Variants in EBF1 observed in about 807,000 individuals in gnomAD.
EBF1 encodes the protein EBF transcription factor 1, also known as transcription factor COE1.
EBF1 carries 10 observed loss-of-function variants against 68.4 expected under a neutral mutation model. That is an observed-to-expected ratio of 0.15 (90% CI 0.09 to 0.25). The LOEUF is 0.25. Ranked by LOEUF, EBF1 falls within the 10% of genes least tolerant of loss-of-function variation. The pLI is 1.00. For synonymous variants in EBF1, 298 were observed against 299.8 expected (o/e 0.99, Z 0.06); for missense variants, 509 against 794.4 (o/e 0.64, Z 4.32).
chr5:158,921,623 A>T (rs1027314135), intron 6 of EBF1, among the ~76,000 whole-genome samples: 11 of 152,230 alleles, frequency 7.2e-5, no homozygotes, highest in Non-Finnish European at 1.3e-4. Context: ...GGGCTGTGTT[A>T]GCGTGCATTA....
At chr5:158,912,258 C>T (rs1033994912) in intron 6 of EBF1, among the ~76,000 whole-genome samples, 3 of 152,182 alleles carry the variant, frequency 2.0e-5, no homozygotes, top group East Asian at 1.9e-4. Context: ...GTTTCACCTA[C>T]GGATCCCAGG....
At chr5:159,065,977 A>C (rs1776731878) in intron 6 of EBF1, among the ~76,000 whole-genome samples, 1 of 152,162 alleles carries the variant, frequency 6.6e-6, no homozygotes, top group Admixed American at 6.5e-5. Context: ...GACAGAGCCC[A>C]AGTGTCTATG....
chr5:158,966,625 A>G (rs1399703343), intron 6 of EBF1, among the ~76,000 whole-genome samples: 2 of 152,176 alleles, frequency 1.3e-5, no homozygotes, highest in African/African-American at 4.8e-5. Flanking sequence ...AACTCAAACC[A>G]AACACATATT....
rs1349538513 is a variant in EBF1, at chr5:158,696,848, C to A, written c.*2263G>T. ...TTTCTTGCTCTACTAGAAAAAGTTA[C>A]ATTGTCTTAAGGTAACAAAACAGTT... On this transcript the variant is annotated 3_prime_UTR_variant, in exon 16 of 16. Coordinates refer to ENST00000313708, the MANE Select transcript of EBF1 (RefSeq NM_024007.5). The A allele has an allele frequency of 1.0e-5, 2 of 194,552 alleles. No individual in the cohort carries two copies. The highest frequency in any genetic ancestry group is 1.6e-3 in the Middle Eastern group (1 of 612). 12.1% of individuals were successfully genotyped at this position (194,552 alleles called of 1,614,324 possible). A position where few individuals can be genotyped will look rare whatever the true frequency, so the allele number is the denominator to read the frequency against.
At chr5:158,746,766 C>T (rs1441538153) in intron 10 of EBF1, among the ~76,000 whole-genome samples, 1 of 152,150 alleles carries the variant, frequency 6.6e-6, no homozygotes, top group African/African-American at 2.4e-5. Flanking sequence ...ATTCACTTTG[C>T]CTGAGACCAA....
intron 6 of EBF1, among the ~76,000 whole-genome samples, chr5:158,964,889 A>C (rs2127543546): frequency 6.6e-6 from 1 of 152,366 alleles, no homozygotes; most frequent in South Asian, 2.1e-4. Flanking sequence ...AGTAGTGGAA[A>C]TGCAACAAAT....
intron 8 of EBF1, among the ~76,000 whole-genome samples, chr5:158,802,624 G>T (rs968143946): frequency 3.9e-5 from 6 of 152,136 alleles, no homozygotes; most frequent in Non-Finnish European, 5.9e-5. Context: ...ATTATGTTAA[G>T]TTGATTTTAA....
chr5:158,818,827 G>T (rs79765498), intron 8 of EBF1, among the ~76,000 whole-genome samples: 3,557 of 151,770 alleles, frequency 0.023, 152 homozygotes, highest in African/African-American at 0.082. Context: ...CCCCAGGTCA[G>T]AGCTCATGAA....
chr5:158,785,590 G>T (rs1317730673), intron 9 of EBF1, among the ~76,000 whole-genome samples: 1 of 152,280 alleles, frequency 6.6e-6, no homozygotes, highest in East Asian at 1.9e-4. Context: ...AAAAGCCAGA[G>T]GAGGCATTTA....
At chr5:158,841,926 C>T (rs1307534583) in intron 6 of EBF1, among the ~76,000 whole-genome samples, 4 of 152,214 alleles carry the variant, frequency 2.6e-5, no homozygotes, top group African/African-American at 7.2e-5. Flanking sequence ...TCAATGAAAG[C>T]AGGCCTCTAA....
intron 10 of EBF1, among the ~76,000 whole-genome samples, chr5:158,773,138 G>A (rs1032717797): frequency 2.6e-5 from 4 of 152,028 alleles, no homozygotes; most frequent in Non-Finnish European, 5.9e-5. Flanking sequence ...AAGGGAGATA[G>A]GAGAGATGGG....
intron 6 of EBF1, among the ~76,000 whole-genome samples, chr5:158,854,317 T>C: frequency 6.6e-6 from 1 of 152,192 alleles, no homozygotes; most frequent in East Asian, 1.9e-4. Flanking sequence ...AAAACAAACA[T>C]AGTTCTTGCT....
At chr5:158,832,615 G>A (rs892593701) in intron 7 of EBF1, among the ~76,000 whole-genome samples, 4 of 152,148 alleles carry the variant, frequency 2.6e-5, no homozygotes, top group Admixed American at 6.5e-5. Context: ...GCTGGGAGTC[G>A]GTGGAGGAGA....
chr5:159,069,214 T>TAAAA (rs5872584), intron 6 of EBF1, among the ~76,000 whole-genome samples: 18 of 149,804 alleles, frequency 1.2e-4, no homozygotes, highest in African/African-American at 4.4e-4. Flanking sequence ...TTCTATCTAC[T>TAAAA]AAAAAAAAAA....
intron 6 of EBF1, among the ~76,000 whole-genome samples, chr5:159,060,179 A>G (rs1293394034): frequency 6.6e-6 from 1 of 152,236 alleles, no homozygotes; most frequent in African/African-American, 2.4e-5. Context: ...ATACTTCAAT[A>G]TGGAAATCCT....
Position 158,942,710 on chromosome 5 carries a change from T to C in EBF1, c.555-102600A>G, listed in dbSNP as rs1265675628. Among the ~76,000 whole-genome samples the C allele has an allele frequency of 2.0e-5, 3 of 151,986 alleles. No individual in the cohort carries two copies. The East Asian group carries it at 5.8e-4, about 29-fold the overall frequency. On this transcript the variant is annotated intron_variant, in intron 6 of 15. Transcript: ENST00000313708. The stretch of plus-strand genomic sequence containing the variant: ...GAAAGTTCCAGCCCGTGGGGTTTAA[T>C]ACACTGTAAGGAGAAATGCTGGAAT...
chr5:158,797,007 A>AT (rs556098726), intron 8 of EBF1, among the ~76,000 whole-genome samples: 6 of 151,908 alleles, frequency 3.9e-5, no homozygotes, highest in South Asian at 4.2e-4. Context: ...AATCATTACG[A>AT]TTTTTTTTCA....
chr5:158,711,998 G>C (rs1759450031), intron 14 of EBF1, among the ~76,000 whole-genome samples, 156 bp downstream of exon 14: 1 of 152,208 alleles, frequency 6.6e-6, no homozygotes, highest in African/African-American at 2.4e-5. Context: ...TGCTGGAGAC[G>C]ATGGTGCCTT....
At position 159,096,986 on chromosome 5, in the gene EBF1, C is replaced by G; in HGVS notation, c.279G>C (p.Val93=). 6.2e-7 allele frequency: 1 copy of G among 1,613,986 alleles called. No homozygotes were observed. The highest frequency in any genetic ancestry group is 8.5e-7 in the Non-Finnish European group (1 of 1,179,986). Residue 93 remains valine, a synonymous_variant, in exon 2 of 16, where the codon GTG becomes GTC. Transcript: ENST00000313708. ...EIERTAFVGF[V]EKEKEANSEK... ...TGCGCCCACTTACTTTTTCCTTCTC[C>G]ACGAACCCCACAAACGCTGTCCTCT...
Sources: gnomAD v4.1 joint callset for allele counts (sites outside exome capture counted in the v4.1 genomes callset) on GRCh38, gnomAD v4.1.1 for gene constraint, MANE v1.5 for transcripts, NCBI Gene and HGNC (gene_info 2026-07-23, HGNC 2026-07-21) for gene names.